Variants in NALCN observed in about 807,000 individuals in gnomAD.
The protein encoded by NALCN is sodium leak channel NALCN.
Under a neutral mutation model 225.3 loss-of-function variants are expected in NALCN, and 111 were observed. That is an observed-to-expected ratio of 0.49 (90% CI 0.42 to 0.58). The LOEUF is 0.58. NALCN is among the 20% of genes least tolerant of loss of function. The pLI, the probability that NALCN is intolerant of heterozygous loss-of-function variation, is 0.00. For missense variants in NALCN, 1,378 were observed against 2,202.4 expected (o/e 0.63, Z 7.49); for synonymous variants, 764 against 769.0 (o/e 0.99, Z 0.11).
intron 12 of NALCN, 90 bp from the exon 13 acceptor site, chr13:101,229,674 T>C (rs1341880126): frequency 6.5e-6 from 6 of 916,682 alleles, no homozygotes; most frequent in Non-Finnish European, 9.0e-6. Context: ...TATTATTTTA[T>C]AGTGCTTTAT....
intron 6 of NALCN, among the ~76,000 whole-genome samples, chr13:101,368,079 T>C (rs2046428906): frequency 6.6e-6 from 1 of 151,722 alleles, no homozygotes; most frequent in South Asian, 2.1e-4. Context: ...TGTATACATG[T>C]GCCATGCTGG....
chr13:101,279,482 A>G (rs2043074498), intron 10 of NALCN, among the ~76,000 whole-genome samples: 1 of 152,240 alleles, frequency 6.6e-6, no homozygotes, highest in African/African-American at 2.4e-5. Context: ...TTATTTCCAT[A>G]TTAATTTTTT....
chr13:101,074,004 A>C (rs1340990984), intron 36 of NALCN, among the ~76,000 whole-genome samples: 2 of 151,950 alleles, frequency 1.3e-5, no homozygotes, highest in Non-Finnish European at 2.9e-5. Flanking sequence ...AATTCCTACA[A>C]CTTGACATAT....
intron 13 of NALCN, among the ~76,000 whole-genome samples, chr13:101,222,356 C>T (rs973001026): frequency 2.0e-5 from 3 of 152,118 alleles, no homozygotes; most frequent in Non-Finnish European, 4.4e-5. Flanking sequence ...CCTCCTTCAA[C>T]CCGCTATCTC....
At chr13:101,258,994 T>G (rs2042329982) in intron 10 of NALCN, among the ~76,000 whole-genome samples, 1 of 152,224 alleles carries the variant, frequency 6.6e-6, no homozygotes, top group South Asian at 2.1e-4. Flanking sequence ...AGATGATTAT[T>G]ATACAACTGG....
chr13:101,209,202 TTTC>T (rs2040433613), intron 13 of NALCN, among the ~76,000 whole-genome samples: 1 of 152,206 alleles, frequency 6.6e-6, no homozygotes, highest in African/African-American at 2.4e-5. Flanking sequence ...TCTCTCCATT[TTTC>T]TTCAAGGCTC....
chr13:101,275,978 C>T (rs1027680396), intron 10 of NALCN, among the ~76,000 whole-genome samples: 8 of 144,410 alleles, frequency 5.5e-5, no homozygotes, highest in Non-Finnish European at 9.0e-5. Context: ...GCAGGAGAAT[C>T]GCTTGAACCT....
At chr13:101,293,347 T>C (rs1236822770) in intron 7 of NALCN, among the ~76,000 whole-genome samples, 1 of 152,198 alleles carries the variant, frequency 6.6e-6, no homozygotes, top group Non-Finnish European at 1.5e-5. Context: ...CTTAAGATAT[T>C]TCAGGTATCA....
At chr13:101,303,026 A>G (rs2044027270) in intron 7 of NALCN, among the ~76,000 whole-genome samples, 1 of 152,164 alleles carries the variant, frequency 6.6e-6, no homozygotes, top group Non-Finnish European at 1.5e-5. Flanking sequence ...TTTCCAATGT[A>G]GACCAGAACT....
At chr13:101,222,630 C>T (rs1050805414) in intron 13 of NALCN, among the ~76,000 whole-genome samples, 4 of 152,194 alleles carry the variant, frequency 2.6e-5, no homozygotes, top group African/African-American at 9.7e-5. Flanking sequence ...GTGATAGAGG[C>T]TGCCCCCTTG....
At chr13:101,255,454 G>C (rs1232883104) in intron 11 of NALCN, among the ~76,000 whole-genome samples, 1 of 152,014 alleles carries the variant, frequency 6.6e-6, no homozygotes, top group African/African-American at 2.4e-5. Flanking sequence ...TGCCCACCCT[G>C]TGCTAGATCA....
chr13:101,316,154 C>T (rs558476487), intron 7 of NALCN, among the ~76,000 whole-genome samples: 52 of 151,840 alleles, frequency 3.4e-4, no homozygotes, highest in Non-Finnish European at 5.9e-4. Flanking sequence ...TTAAAGTGTA[C>T]AATGCTATTC....
intron 37 of NALCN, among the ~76,000 whole-genome samples, chr13:101,069,629 G>A (rs1199632135): frequency 2.0e-5 from 3 of 152,172 alleles, no homozygotes; most frequent in African/African-American, 7.2e-5. Context: ...AGATTTTTCT[G>A]CAGCATGTGA....
intron 10 of NALCN, among the ~76,000 whole-genome samples, chr13:101,269,241 T>TATATATATATATATATATATATA (rs1566509203): frequency 2.7e-5 from 4 of 147,894 alleles, no homozygotes; most frequent in South Asian, 2.1e-4. Context: ...TATATATATA[T>TATATATATATATATATATATATA]TTTAGCCTGG....
At chr13:101,208,542 T>C (rs940015521) in intron 13 of NALCN, among the ~76,000 whole-genome samples, 2 of 152,216 alleles carry the variant, frequency 1.3e-5, no homozygotes, top group African/African-American at 4.8e-5. Flanking sequence ...CTTTGTTACA[T>C]GTTGTTTGAG....
In NALCN at chr13:101,087,239, C is replaced by T. The variant is rs894186639; in HGVS notation, c.3489+2424G>A. Among the ~76,000 whole-genome samples the T allele has an allele frequency of 2.0e-5, 3 of 151,860 alleles. No individual in the cohort carries two copies. In the East Asian group the frequency reaches 5.8e-4, roughly 29 times the overall value. On this transcript the variant is annotated intron_variant, in intron 30 of 43. Transcript: ENST00000251127. ...ATTCTGAATTGTACCCTAAAGATTC[C>T]CTCATTTTCTATCTCTGTTGTCTCT...
chr13:101,278,706 A>G (rs1482241751), intron 10 of NALCN, among the ~76,000 whole-genome samples: 2 of 152,272 alleles, frequency 1.3e-5, no homozygotes, highest in African/African-American at 4.8e-5. Context: ...GCCACCACAT[A>G]TTAGAGGAGA....
At chr13:101,354,192 A>T (rs148362394) in intron 6 of NALCN, among the ~76,000 whole-genome samples, 562 of 152,260 alleles carry the variant, frequency 3.7e-3, no homozygotes, top group Non-Finnish European at 5.5e-3. Context: ...AAAATACAAA[A>T]ATTAGCCAGG....
At chr13:101,324,811 T>C (rs917294757) in intron 7 of NALCN, among the ~76,000 whole-genome samples, 1 of 152,170 alleles carries the variant, frequency 6.6e-6, no homozygotes, top group African/African-American at 2.4e-5. Flanking sequence ...TCCAACACTA[T>C]GTTGAATAGG....
Sources: allele counts gnomAD v4.1 joint callset (sites outside exome capture counted in the v4.1 genomes callset), GRCh38; gene constraint gnomAD v4.1.1; transcripts MANE v1.5; gene names NCBI Gene and HGNC (gene_info 2026-07-23, HGNC 2026-07-21).